Variants in BTC observed in about 807,000 individuals in gnomAD.
The protein encoded by BTC is probetacellulin.
Under a neutral mutation model 18.1 loss-of-function variants are expected in BTC, and 13 were observed. That is an observed-to-expected ratio of 0.72 (90% CI 0.47 to 1.14). The LOEUF (loss-of-function observed/expected upper bound fraction) is 1.14. Ranked by LOEUF, BTC falls within the 50% of genes most tolerant of loss-of-function variation. The pLI is 0.00. For synonymous variants in BTC, 83 were observed against 79.4 expected, an observed-to-expected ratio of 1.05 and a Z score of -0.24; for missense variants, 247 against 224.2, an observed-to-expected ratio of 1.10 and a Z score of -0.65.
chr4:74,754,177 C>A (rs1724536947), intron 3 of BTC, among the ~76,000 whole-genome samples: 1 of 152,176 alleles, frequency 6.6e-6, no homozygotes, highest in South Asian at 2.1e-4. Context: ...TATTCCTCTA[C>A]TAAGAAGATG....
intron 2 of BTC, among the ~76,000 whole-genome samples, chr4:74,760,949 T>A (rs1553957250): frequency 6.6e-6 from 1 of 152,054 alleles, no homozygotes; most frequent in East Asian, 1.9e-4. Context: ...TTAGCCAGGA[T>A]GGTCTTGATC....
chr4:74,756,000 T>C (rs1553956678), intron 2 of BTC, 24 bp from the exon 3 acceptor site: 2 of 1,546,114 alleles, frequency 1.3e-6, no homozygotes, highest in African/African-American at 1.4e-5. Flanking sequence ...AAAAGTTCAA[T>C]AAATCAACTC....
chr4:74,778,191 C>T (rs138373691), intron 1 of BTC, among the ~76,000 whole-genome samples: 198 of 152,192 alleles, frequency 1.3e-3, no homozygotes, highest in African/African-American at 4.3e-3. Flanking sequence ...TCCTTTAATC[C>T]ATTGTCCTCA....
chr4:74,748,477 A>G (rs564596398), intron 4 of BTC, among the ~76,000 whole-genome samples: 79 of 152,118 alleles, frequency 5.2e-4, no homozygotes, highest in African/African-American at 1.8e-3. Flanking sequence ...CGGAGCTTGC[A>G]GTGAGCCGAG....
intron 1 of BTC, among the ~76,000 whole-genome samples, chr4:74,772,907 TC>T (rs1173938844): frequency 1.3e-5 from 2 of 152,166 alleles, no homozygotes; most frequent in African/African-American, 4.8e-5. Context: ...CCTTCAAACA[TC>T]CCCACAGGCT....
chr4:74,766,053 TAAACATAGAAAAA>T (rs1458532528), intron 2 of BTC, among the ~76,000 whole-genome samples: 2 of 152,060 alleles, frequency 1.3e-5, no homozygotes, highest in Admixed American at 6.6e-5. Context: ...TTTTTATATC[TAAACATAGAAAAA>T]GTACAGTAAA....
chr4:74,756,656 G>A (rs1437488280), intron 2 of BTC, among the ~76,000 whole-genome samples: 3 of 152,166 alleles, frequency 2.0e-5, no homozygotes, highest in African/African-American at 4.8e-5. Context: ...GTCTGTCACC[G>A]ACTCTCAGCC....
intron 5 of BTC, among the ~76,000 whole-genome samples, chr4:74,747,703 T>C (rs531735439): frequency 1.2e-4 from 18 of 152,346 alleles, no homozygotes; most frequent in African/African-American, 3.6e-4. Context: ...GCTCAATATA[T>C]GTAGTTATTA....
At chr4:74,769,099 A>G (rs1470310143) in intron 2 of BTC, among the ~76,000 whole-genome samples, 1 of 152,086 alleles carries the variant, frequency 6.6e-6, no homozygotes. Context: ...GCTCTGTTAC[A>G]ACTTCCCGAG....
At chr4:74,787,301 C>A (rs1231082761) in intron 1 of BTC, among the ~76,000 whole-genome samples, 1 of 152,120 alleles carries the variant, frequency 6.6e-6, no homozygotes, top group Non-Finnish European at 1.5e-5. Flanking sequence ...AAGTAACATA[C>A]TACATATCCT....
chr4:74,759,601 AAT>A (rs1553957083), intron 2 of BTC, among the ~76,000 whole-genome samples: 2 of 151,936 alleles, frequency 1.3e-5, no homozygotes, highest in African/African-American at 4.8e-5. Flanking sequence ...ATGTCACTTT[AAT>A]GGAGATAAAG....
chr4:74,755,179 A>G (rs1054866434), intron 3 of BTC, among the ~76,000 whole-genome samples: 12 of 152,236 alleles, frequency 7.9e-5, no homozygotes, highest in Non-Finnish European at 1.5e-4. Context: ...GCAGAAGAAC[A>G]TAAACATTCT....
intron 3 of BTC, among the ~76,000 whole-genome samples, chr4:74,755,533 C>T (rs1427796596): frequency 2.0e-5 from 3 of 152,276 alleles, no homozygotes; most frequent in African/African-American, 4.8e-5. Context: ...AAACACTTGC[C>T]AGAATAATTC....
At chr4:74,751,327 A>C (rs998602246) in intron 3 of BTC, among the ~76,000 whole-genome samples, 2 of 152,088 alleles carry the variant, frequency 1.3e-5, no homozygotes, top group Admixed American at 1.3e-4. Flanking sequence ...AGGGCATCAC[A>C]GATTAGGTCA....
chr4:74,763,726 T>C (rs1166776228), intron 2 of BTC, among the ~76,000 whole-genome samples: 2 of 152,034 alleles, frequency 1.3e-5, no homozygotes, highest in African/African-American at 2.4e-5. Context: ...TAGCCAGAGA[T>C]TGGCTGAAGG....
intron 1 of BTC, among the ~76,000 whole-genome samples, chr4:74,773,698 G>A (rs1210448811): frequency 2.0e-5 from 3 of 151,188 alleles, no homozygotes; most frequent in African/African-American, 7.3e-5. Context: ...TGCTGCCTCC[G>A]CCTCCTGGGT....
At position 74,770,080 on chromosome 4, in the gene BTC, T is replaced by C; in HGVS notation, c.141A>G (p.Gly47=). The C allele has an allele frequency of 6.2e-7, 1 of 1,611,100 alleles. No homozygotes were observed. The highest frequency in any genetic ancestry group is 2.2e-5 in the East Asian group (1 of 44,838). ...RSPETNGLLC[G]DPEENCAATT... ...TACCTGCACAGTTTTCCTCAGGGTC[T>C]CCACAGAGGAGGCCATTAGTTTCAG... The change falls in exon 2 of 6, where the codon GGA becomes GGG. Residue 47 remains glycine, a synonymous_variant. Transcript: ENST00000395743.
intron 1 of BTC, among the ~76,000 whole-genome samples, chr4:74,780,869 C>G (rs908070728): frequency 1.3e-5 from 2 of 149,950 alleles, no homozygotes; most frequent in African/African-American, 2.5e-5. Flanking sequence ...GTCTTCTGTC[C>G]TTCCCAGGGA....
At chr4:74,748,429 G>C (rs1382905688) in intron 4 of BTC, among the ~76,000 whole-genome samples, 1 of 151,944 alleles carries the variant, frequency 6.6e-6, no homozygotes, top group Non-Finnish European at 1.5e-5. Context: ...CCAGCTACTC[G>C]GGAGGCTGAG....
Sources: gnomAD v4.1 joint callset for allele counts (sites outside exome capture counted in the v4.1 genomes callset) on GRCh38, gnomAD v4.1.1 for gene constraint, MANE v1.5 for transcripts, NCBI Gene and HGNC (gene_info 2026-07-23, HGNC 2026-07-21) for gene names.